PCSK6: variants seen among roughly 807,000 people sequenced by gnomAD.
The protein encoded by PCSK6 is proprotein convertase subtilisin/kexin type 6.
In PCSK6, 85 loss-of-function variants were observed where a neutral mutation model predicts 123.3. That is an observed-to-expected ratio of 0.69 (90% confidence interval 0.58 to 0.83). The LOEUF is 0.83. PCSK6 is among the 40% of genes least tolerant of loss of function. The pLI is 0.00. For missense variants in PCSK6, 1,191 were observed against 1,282.3 expected (o/e 0.93, Z 1.09); for synonymous variants, 508 against 516.0 (o/e 0.98, Z 0.21).
rs745405844 is a variant in PCSK6 at position 101,331,901 on chromosome 15, G to GGCA, written c.1986_1988dup (p.Ala663dup). On this transcript the variant is annotated inframe_insertion, in exon 14 of 22. Coordinates refer to ENST00000611716, the MANE Select transcript of PCSK6 (RefSeq NM_002570.5). ...GAACTTCCACCTGGGAGGGTGACAGGGCAGCCTTGGGTGGCTCCAGCTCTG... is the reference window on the plus strand; with the variant it reads ...GAACTTCCACCTGGGAGGGTGACAGGGCAGCAGCCTTGGGTGGCTCCAGCTCTG... 1.9e-6 allele frequency: 3 copies of GGCA among 1,613,742 alleles called. No individual in the cohort carries two copies. Among genetic ancestry groups the GGCA allele is most frequent in the Non-Finnish European group, 1.7e-6 (2 of 1,179,782 alleles).
At chr15:101,404,427 C>T (rs1406892588) in intron 6 of PCSK6, among the ~76,000 whole-genome samples, 1 of 152,194 alleles carries the variant, frequency 6.6e-6, no homozygotes, top group African/African-American at 2.4e-5. Context: ...GCCTGCCATC[C>T]CATCTCCATG....
chr15:101,307,471 CCT>C, intron 20 of PCSK6, 146 bp from the exon 21 acceptor site: 3 of 622,198 alleles, frequency 4.8e-6, no homozygotes, highest in Non-Finnish European at 8.7e-6. Flanking sequence ...CCCACCATTC[CCT>C]GACACAGGGG....
At chr15:101,385,294 A>G (rs771813406) in intron 9 of PCSK6, among the ~76,000 whole-genome samples, 26 of 152,350 alleles carry the variant, frequency 1.7e-4, no homozygotes, top group Non-Finnish European at 3.2e-4. Context: ...TTAGGATTAC[A>G]GGTGTGAGCC....
chr15:101,308,337 G>C (rs761309120), intron 20 of PCSK6: 2 of 152,304 alleles, frequency 1.3e-5, no homozygotes, highest in African/African-American at 2.4e-5. Context: ...GCCTCCCTGG[G>C]GGGCAGTTCT....
Position 101,432,490 on chromosome 15 carries a change from A to G in PCSK6, c.403-390T>C, listed in dbSNP as rs371682369. 1.5e-4 allele frequency among the ~76,000 whole-genome samples: 23 copies of G among 149,652 alleles called. 1 individual carries two copies. The highest frequency in any genetic ancestry group is 5.7e-4 in the African/African-American group (23 of 40,506). On this transcript the variant is annotated intron_variant, in intron 2 of 21. Transcript: ENST00000611716. ...AAAAAAAAAAAAAATCTAGCTGGGC[A>G]TGATGGCGCATGCCTGTAGTCCCAG...
At chr15:101,410,123 G>A (rs2042903497) in intron 6 of PCSK6, among the ~76,000 whole-genome samples, 1 of 152,182 alleles carries the variant, frequency 6.6e-6, no homozygotes, top group Non-Finnish European at 1.5e-5. Context: ...TGTAGACACA[G>A]GGTCTCACTA....
chr15:101,340,945 ATTT>A (rs34151107), intron 13 of PCSK6, among the ~76,000 whole-genome samples: 3 of 139,396 alleles, frequency 2.2e-5, no homozygotes, highest in Non-Finnish European at 4.7e-5. Flanking sequence ...CTTCTCCCAA[ATTT>A]TTTTTTTTTT....
chr15:101,382,130 C>T lies in PCSK6; in HGVS notation c.1494G>A (p.Ser498=), dbSNP rs369110169. 281 of 1,611,994 alleles carry T rather than the reference C, an allele frequency of 1.7e-4. No homozygotes were observed. In the South Asian group the frequency reaches 2.8e-3, roughly 16 times the overall value. ...CCGAGGCGGCCACACACATGTGCTG[C>T]GATGGCACTGCTGTCCACTTCTTTG... The part of the protein sequence containing the change: ...VEAKKWTAVP[S]QHMCVAASDK... Residue 498 remains serine, a synonymous_variant, in exon 11 of 22, where the codon TCG becomes TCA. Transcript: ENST00000611716.
intron 1 of PCSK6, among the ~76,000 whole-genome samples, chr15:101,453,158 T>C (rs1313325376): frequency 6.6e-6 from 1 of 152,188 alleles, no homozygotes; most frequent in Non-Finnish European, 1.5e-5. Flanking sequence ...AGCTGCCCCA[T>C]TCCTTCCTCC....
At chr15:101,396,240 C>G (rs1281773596) in intron 7 of PCSK6, among the ~76,000 whole-genome samples, 2 of 152,148 alleles carry the variant, frequency 1.3e-5, no homozygotes, top group Admixed American at 1.3e-4. Flanking sequence ...TTCCCCACTC[C>G]CCTGACAGCT....
At chr15:101,448,352 T>C (rs1386899623) in intron 1 of PCSK6, among the ~76,000 whole-genome samples, 2 of 152,232 alleles carry the variant, frequency 1.3e-5, no homozygotes, top group African/African-American at 4.8e-5. Flanking sequence ...TTTAATGTAG[T>C]GTAATCCTCT....
chr15:101,473,867 TC>T (rs1488747830), intron 1 of PCSK6, among the ~76,000 whole-genome samples: 1 of 151,158 alleles, frequency 6.6e-6, no homozygotes, highest in Non-Finnish European at 1.5e-5. Flanking sequence ...AGAGTGAGAC[TC>T]ATGTCTCAAA....
intron 11 of PCSK6, among the ~76,000 whole-genome samples, chr15:101,375,877 A>G (rs1395474026): frequency 1.3e-5 from 2 of 152,096 alleles, no homozygotes; most frequent in Admixed American, 6.5e-5. Flanking sequence ...TCTACTAAAA[A>G]TACAAAATTA....
intron 6 of PCSK6, among the ~76,000 whole-genome samples, chr15:101,402,886 A>G (rs986592327): frequency 1.2e-4 from 19 of 152,292 alleles, no homozygotes; most frequent in Admixed American, 5.2e-4. Context: ...ATCTAGAACT[A>G]GAAATACCAT....
At chr15:101,402,860 T>G (rs1480384607) in intron 6 of PCSK6, among the ~76,000 whole-genome samples, 1 of 152,148 alleles carries the variant, frequency 6.6e-6, no homozygotes, top group Non-Finnish European at 1.5e-5. Context: ...GAAGACAGTG[T>G]GGCGATTCCT....
chr15:101,424,866 C>T (rs550233666), intron 6 of PCSK6, among the ~76,000 whole-genome samples: 8 of 152,300 alleles, frequency 5.3e-5, no homozygotes, highest in Admixed American at 1.3e-4. Flanking sequence ...TTTTAATTAA[C>T]GCATTGAATA....
chr15:101,366,465 G>GT, intron 12 of PCSK6, 133 bp from the exon 13 acceptor site: 1 of 831,362 alleles, frequency 1.2e-6, no homozygotes, highest in Non-Finnish European at 1.8e-6. Flanking sequence ...GCGGGGGTCT[G>GT]GCCCCAGCCA....
intron 11 of PCSK6, among the ~76,000 whole-genome samples, chr15:101,376,692 C>T (rs117087931): frequency 0.014 from 2,182 of 152,322 alleles, 27 homozygotes; most frequent in Middle Eastern, 0.048. Flanking sequence ...AAGAAGTTTG[C>T]TTCAAAACTA....
chr15:101,352,187 G>A (rs12595576), intron 13 of PCSK6, among the ~76,000 whole-genome samples: 5 of 117,080 alleles, frequency 4.3e-5, no homozygotes, highest in South Asian at 2.7e-4. Context: ...TCACTCTGTC[G>A]CCCAGGCTGG....
Sources: gnomAD v4.1 joint callset for allele counts (sites outside exome capture counted in the v4.1 genomes callset) on GRCh38, gnomAD v4.1.1 for gene constraint, MANE v1.5 for transcripts, NCBI Gene and HGNC (gene_info 2026-07-23, HGNC 2026-07-21) for gene names.